The following SIPA1L1 variants were observed in gnomAD, a reference collection of about 807,000 sequenced individuals.
The protein encoded by SIPA1L1 is signal induced proliferation associated 1 like 1.
A neutral mutation model predicts 162.7 loss-of-function variants in SIPA1L1; 26 were observed. That is an observed-to-expected ratio of 0.16 (90% CI 0.12 to 0.22). The LOEUF is 0.22. Ranked by LOEUF, SIPA1L1 falls within the 10% of genes least tolerant of loss-of-function variation. The probability of loss-of-function intolerance (pLI) is 1.00; values close to 1 mark genes in which losing one functional copy is unlikely to be tolerated. For missense variants in SIPA1L1, 1,874 were observed against 2,241.0 expected, an observed-to-expected ratio of 0.84 and a Z score of 3.31; for synonymous variants, 829 against 837.4, an observed-to-expected ratio of 0.99 and a Z score of 0.17.
chr14:71,401,944 A>G (rs1291016987), intron 2 of SIPA1L1, among the ~76,000 whole-genome samples: 3 of 152,180 alleles, frequency 2.0e-5, no homozygotes, highest in African/African-American at 7.2e-5. Context: ...GTAAACTAAT[A>G]ATTTATAAAT....
At chr14:71,385,244 A>G (rs2040222747) in intron 2 of SIPA1L1, among the ~76,000 whole-genome samples, 1 of 152,204 alleles carries the variant, frequency 6.6e-6, no homozygotes, top group Middle Eastern at 3.2e-3. Context: ...AACATGGTCA[A>G]GGTCATAACT....
intron 2 of SIPA1L1, among the ~76,000 whole-genome samples, chr14:71,349,399 G>A (rs2036477746): frequency 6.6e-6 from 1 of 152,138 alleles, no homozygotes; most frequent in Non-Finnish European, 1.5e-5. Flanking sequence ...TAGAAGGCAG[G>A]GGAAGTGACC....
At chr14:71,486,958 C>T (rs917960666) in intron 2 of SIPA1L1, among the ~76,000 whole-genome samples, 4 of 152,064 alleles carry the variant, frequency 2.6e-5, no homozygotes, top group African/African-American at 9.7e-5. Flanking sequence ...TCACAGAGGC[C>T]CTTCTTTAGA....
rs1054986594 is a variant in SIPA1L1 at position 71,687,590 on chromosome 14, C to T, written c.3374+1959C>T. On this transcript the variant is annotated intron_variant, in intron 13 of 23. Coordinates refer to ENST00000381232, the MANE Select transcript of SIPA1L1 (RefSeq NM_001386936.1). ...AATTTCTGCAACAGAAACTAAAGCTCCTTGCCAGTCATACTGACCTTCAAA... is the reference window on the plus strand; with the variant it reads ...AATTTCTGCAACAGAAACTAAAGCTTCTTGCCAGTCATACTGACCTTCAAA... Among the ~76,000 whole-genome samples, 6 of 152,298 alleles carry T rather than the reference C, an allele frequency of 3.9e-5. No homozygotes were observed. In the East Asian group the frequency reaches 9.6e-4, roughly 24 times the overall value.
chr14:71,556,439 C>G (rs1315137967), intron 4 of SIPA1L1, among the ~76,000 whole-genome samples: 1 of 152,172 alleles, frequency 6.6e-6, no homozygotes. Flanking sequence ...GGCTCAGTCC[C>G]CAAGACTGCC....
intron 2 of SIPA1L1, among the ~76,000 whole-genome samples, chr14:71,368,172 T>C (rs1436819119): frequency 6.8e-6 from 1 of 147,250 alleles, no homozygotes; most frequent in Admixed American, 6.7e-5. Flanking sequence ...TTTTTTTTTT[T>C]ATTATACTTT....
chr14:71,489,275 A>G (rs1472943737), intron 2 of SIPA1L1, among the ~76,000 whole-genome samples: 2 of 152,168 alleles, frequency 1.3e-5, no homozygotes, highest in Non-Finnish European at 2.9e-5. Flanking sequence ...TAGACTCTGA[A>G]AGGCAGTATG....
chr14:71,732,188 G>A (rs190053830), intron 20 of SIPA1L1, among the ~76,000 whole-genome samples: 26 of 152,226 alleles, frequency 1.7e-4, no homozygotes, highest in Middle Eastern at 3.4e-3. Context: ...AGTTCTTTTC[G>A]TAATTTGAAA....
At chr14:71,477,808 C>A (rs992175395) in intron 2 of SIPA1L1, among the ~76,000 whole-genome samples, 3 of 151,912 alleles carry the variant, frequency 2.0e-5, no homozygotes, top group Non-Finnish European at 4.4e-5. Context: ...AAAAAAGCTA[C>A]TGTGAACATT....
chr14:71,574,504 CAGAG>C (rs756162097), intron 4 of SIPA1L1: 3 of 152,192 alleles, frequency 2.0e-5, no homozygotes, highest in Non-Finnish European at 2.9e-5. Flanking sequence ...ATTGCAAAAA[CAGAG>C]AGGCTATCTC....
At chr14:71,660,085 T>G (rs1472498284) in intron 9 of SIPA1L1, among the ~76,000 whole-genome samples, 1 of 152,170 alleles carries the variant, frequency 6.6e-6, no homozygotes, top group African/African-American at 2.4e-5. Context: ...TATTTTTATA[T>G]GTCAAGCCAT....
chr14:71,631,773 T>G (rs2040596479), intron 7 of SIPA1L1, among the ~76,000 whole-genome samples: 1 of 152,232 alleles, frequency 6.6e-6, no homozygotes, highest in South Asian at 2.1e-4. Context: ...CAGTTGGATT[T>G]TTGTTAGTAA....
chr14:71,449,117 G>C (rs1193379386), intron 2 of SIPA1L1, among the ~76,000 whole-genome samples: 1 of 152,196 alleles, frequency 6.6e-6, no homozygotes, highest in African/African-American at 2.4e-5. Flanking sequence ...TAGGAGAGCT[G>C]GTTGATGGCA....
At chr14:71,505,367 A>G (rs1460942035) in intron 2 of SIPA1L1, among the ~76,000 whole-genome samples, 1 of 150,848 alleles carries the variant, frequency 6.6e-6, no homozygotes, top group Non-Finnish European at 1.5e-5. Flanking sequence ...TTCATTTGTG[A>G]AAACTTACCG....
At chr14:71,626,029 C>T (rs2039946993) in intron 7 of SIPA1L1, among the ~76,000 whole-genome samples, 1 of 152,144 alleles carries the variant, frequency 6.6e-6, no homozygotes, top group Non-Finnish European at 1.5e-5. Context: ...GATAAGAACA[C>T]TATAAAGAGT....
chr14:71,432,124 G>C (rs2044034869), intron 2 of SIPA1L1, among the ~76,000 whole-genome samples: 1 of 152,044 alleles, frequency 6.6e-6, no homozygotes, highest in Non-Finnish European at 1.5e-5. Flanking sequence ...GCCCAGGCTA[G>C]AGTACATTGG....
At chr14:71,624,805 C>T (rs1012917497) in intron 7 of SIPA1L1, among the ~76,000 whole-genome samples, 2 of 152,120 alleles carry the variant, frequency 1.3e-5, no homozygotes, top group African/African-American at 4.8e-5. Context: ...TGCCACTTCA[C>T]CGCGCTGTTC....
chr14:71,362,698 T>C (rs913044063), intron 2 of SIPA1L1, among the ~76,000 whole-genome samples: 1 of 152,238 alleles, frequency 6.6e-6, no homozygotes, highest in Non-Finnish European at 1.5e-5. Context: ...TTCCCCCTTT[T>C]CAATCTTTAG....
rs900993926 is a variant in SIPA1L1, at chr14:71,473,512, C to T, written c.-464-39231C>T. ...GATTTTCTGATTCAAATTTATTGGT[C>T]TTTTCATTTCTAGCACTGTTCTTTG... On this transcript the variant is annotated intron_variant, in intron 2 of 23. Coordinates refer to ENST00000381232, the MANE Select transcript of SIPA1L1 (RefSeq NM_001386936.1). Among the ~76,000 whole-genome samples the T allele has an allele frequency of 3.3e-5, 5 of 152,126 alleles. No homozygotes were observed. The East Asian group carries it at 9.6e-4, about 29-fold the overall frequency.
Sources: gnomAD v4.1 joint callset for allele counts (sites outside exome capture counted in the v4.1 genomes callset) on GRCh38, gnomAD v4.1.1 for gene constraint, MANE v1.5 for transcripts, NCBI Gene and HGNC (gene_info 2026-07-23, HGNC 2026-07-21) for gene names.